FOCAD: variants seen among roughly 807,000 people sequenced by gnomAD.
FOCAD encodes focadhesin, also known as KIAA1797.
FOCAD carries 198 observed loss-of-function variants against 225.6 expected under a neutral mutation model. That is an observed-to-expected ratio of 0.88 (90% confidence interval 0.78 to 0.99). The LOEUF (loss-of-function observed/expected upper bound fraction) is 0.99. Among genes scored for constraint, FOCAD ranks in the 50% least tolerant of loss-of-function variants. The pLI is 0.00. For synonymous variants in FOCAD, 897 were observed against 755.0 expected (o/e 1.19, Z -3.08); for missense variants, 2,713 against 2,123.6 (o/e 1.28, Z -5.46).
chr9:20,680,676 CAT>C (rs1822374819), upstream of FOCAD, among the ~76,000 whole-genome samples: 1 of 152,014 alleles, frequency 6.6e-6, no homozygotes, highest in Non-Finnish European at 1.5e-5. Flanking sequence ...CCTTCTAAAA[CAT>C]ATTAGCAGCT....
At chr9:20,825,689 A>T (rs1051007400) in intron 15 of FOCAD, among the ~76,000 whole-genome samples, 1 of 152,070 alleles carries the variant, frequency 6.6e-6, no homozygotes, top group Non-Finnish European at 1.5e-5. Flanking sequence ...TTTCACCCTT[A>T]GGTTTGAAAA....
chr9:20,717,764 C>T (rs759704938), intron 2 of FOCAD, 30 bp from the exon 3 acceptor site: 2 of 1,540,400 alleles, frequency 1.3e-6, no homozygotes, highest in Non-Finnish European at 1.8e-6. Flanking sequence ...TTCTAAGGGA[C>T]TGTGTTCATT....
chr9:20,765,264 G>A (rs748151170), intron 7 of FOCAD, among the ~76,000 whole-genome samples, 191 bp downstream of exon 7: 2 of 152,072 alleles, frequency 1.3e-5, no homozygotes, highest in Admixed American at 6.6e-5. Context: ...TATTATATTC[G>A]ATATTAACTA....
rs762238259 is a variant in FOCAD at position 20,993,287 on chromosome 9, C to T, written c.5291C>T (p.Pro1764Leu). ...IDWLFSIMES[P>L]KEALSAQSRD... ...TGGCTATTCAGCATCATGGAAAGCC[C>T]TAAAGAAGCCCTCTCAGCACAGTCC... is the stretch of plus-strand genomic sequence containing the variant. The change falls in exon 43 of 44, where the codon CCT becomes CTT. Residue 1764 changes from proline to leucine, a missense_variant. Physicochemically the swap from Pro to Leu is moderately conservative, Grantham distance 98. Transcript: ENST00000338382. 3 of 1,614,008 alleles carry T rather than the reference C, an allele frequency of 1.9e-6. No homozygotes were observed. Among genetic ancestry groups the T allele is most frequent in the East Asian group, 2.2e-5 (1 of 44,838 alleles).
At chr9:20,883,998 G>A (rs1178803162) in intron 20 of FOCAD, among the ~76,000 whole-genome samples, 1 of 152,174 alleles carries the variant, frequency 6.6e-6, no homozygotes, top group African/African-American at 2.4e-5. Flanking sequence ...AGGGAGAAGA[G>A]GGAGAGTGAG....
At chr9:20,766,603 C>A (rs1414474290) in intron 7 of FOCAD, among the ~76,000 whole-genome samples, 1 of 152,058 alleles carries the variant, frequency 6.6e-6, no homozygotes, top group Non-Finnish European at 1.5e-5. Context: ...TGTATCCTAT[C>A]TTATTTTTCT....
At chr9:20,775,827 A>G (rs1432148485) in intron 8 of FOCAD, among the ~76,000 whole-genome samples, 2 of 152,170 alleles carry the variant, frequency 1.3e-5, no homozygotes, top group African/African-American at 4.8e-5. Context: ...GTGGCTGAGT[A>G]TAAAGGCATT....
In FOCAD at chr9:20,926,804, G is replaced by GA. The variant is rs932950638; in HGVS notation, c.3078+397dup. Among the ~76,000 whole-genome samples, 393 of 142,478 alleles carry GA rather than the reference G, an allele frequency of 2.8e-3. 3 individuals are homozygous for GA. Among genetic ancestry groups the GA allele is most frequent in the Middle Eastern group, 0.011 (3 of 284 alleles). The allele number at this position is 142,478 out of a possible 152,430, so 93.5% of individuals were successfully genotyped here. Reference sequence around the variant, plus strand: ...GTCTCAAAAAAAAAAAAAAGAAAAAGAAAAAAAAAAGAAATCCATTATATA... The same window carrying GA: ...GTCTCAAAAAAAAAAAAAAGAAAAAGAAAAAAAAAAAGAAATCCATTATATA... On this transcript the variant is annotated intron_variant, in intron 26 of 43. Coordinates refer to ENST00000338382, the MANE Select transcript of FOCAD (RefSeq NM_001375567.1).
At chr9:20,943,809 A>G (rs1344509863) in intron 28 of FOCAD, among the ~76,000 whole-genome samples, 1 of 152,244 alleles carries the variant, frequency 6.6e-6, no homozygotes, top group Non-Finnish European at 1.5e-5. Flanking sequence ...TTAAAAAACA[A>G]TGACAAAAGC....
At chr9:20,789,157 C>T (rs1298355041) in intron 10 of FOCAD, among the ~76,000 whole-genome samples, 194 bp from the exon 11 acceptor site, 1 of 152,132 alleles carries the variant, frequency 6.6e-6, no homozygotes, top group Non-Finnish European at 1.5e-5. Context: ...GGAGTTCCAT[C>T]TAACAACTCT....
Position 20,932,648 on chromosome 9 carries a change from G to A in FOCAD, c.3318-366G>A, listed in dbSNP as rs532399960. Among the ~76,000 whole-genome samples, 15 of 152,278 alleles carry A rather than the reference G, an allele frequency of 9.9e-5. 1 individual carries two copies. The highest frequency in any genetic ancestry group is 3.1e-4 in the African/African-American group (13 of 41,558). On this transcript the variant is annotated intron_variant, in intron 27 of 43. Coordinates refer to ENST00000338382, the MANE Select transcript of FOCAD (RefSeq NM_001375567.1). ...ATTATTGATAATGTCAGGTTAATAC[G>A]TTAAGTATTCTGAAGAAAATCACTT...
At chr9:20,921,708 A>G (rs978843769) in intron 24 of FOCAD, among the ~76,000 whole-genome samples, 1 of 152,218 alleles carries the variant, frequency 6.6e-6, no homozygotes, top group African/African-American at 2.4e-5. Flanking sequence ...TATTATTACC[A>G]GTGTTTTTAA....
intron 23 of FOCAD, among the ~76,000 whole-genome samples, chr9:20,916,565 C>A (rs1412833962): frequency 2.0e-5 from 3 of 152,200 alleles, no homozygotes; most frequent in African/African-American, 7.2e-5. Flanking sequence ...TGCAAACATT[C>A]AGTCCATTGA....
chr9:20,919,151 G>A (rs1047391859), intron 24 of FOCAD, among the ~76,000 whole-genome samples: 6 of 152,152 alleles, frequency 3.9e-5, no homozygotes, highest in African/African-American at 1.4e-4. Context: ...AAAATCGCAA[G>A]CATTCTTATA....
In FOCAD at chr9:20,952,986, T is replaced by A. The variant is rs764005873; in HGVS notation, c.4053T>A (p.Val1351=). The A allele has an allele frequency of 4.3e-6, 7 of 1,612,930 alleles. No homozygotes were observed. In the East Asian group the frequency reaches 1.6e-4, roughly 36 times the overall value. ...TLSSSQSRAS[V]PTDYSYLPES... The stretch of plus-strand genomic sequence containing the variant: ...TTTGATCATTTTCTGTCTCCACAGT[T>A]CCTACTGACTATAGCTACTTGCCTG... The change falls in exon 35 of 44, where the codon GTT becomes GTA. Residue 1351 remains valine (V), a splice_region_variant and synonymous_variant. Transcript: ENST00000338382.
At chr9:20,944,799 T>C (rs1382360498) in intron 29 of FOCAD, 25 bp downstream of exon 29, 2 of 1,596,970 alleles carry the variant, frequency 1.3e-6, no homozygotes, top group African/African-American at 1.3e-5. Context: ...CTACATTTTT[T>C]TCCCCTCTGC....
intron 1 of FOCAD, among the ~76,000 whole-genome samples, chr9:20,706,125 G>A (rs998867875): frequency 1.3e-4 from 19 of 151,642 alleles, no homozygotes; most frequent in African/African-American, 3.6e-4. Context: ...TGTAGAGATG[G>A]AGTCTCCTTA....
intron 32 of FOCAD, among the ~76,000 whole-genome samples, 198 bp from the exon 33 acceptor site, chr9:20,949,406 A>G (rs1289762246): frequency 6.6e-6 from 1 of 152,140 alleles, no homozygotes; most frequent in Non-Finnish European, 1.5e-5. Flanking sequence ...GCCACAGTGA[A>G]CAGGTACCAG....
intron 6 of FOCAD, among the ~76,000 whole-genome samples, chr9:20,759,729 T>G (rs1449036215): frequency 1.3e-5 from 2 of 152,174 alleles, no homozygotes; most frequent in Non-Finnish European, 2.9e-5. Flanking sequence ...GATTTATTGG[T>G]TGTTGAAATA....
Sources: gnomAD v4.1 joint callset for allele counts (sites outside exome capture counted in the v4.1 genomes callset) on GRCh38, gnomAD v4.1.1 for gene constraint, MANE v1.5 for transcripts, NCBI Gene and HGNC (gene_info 2026-07-23, HGNC 2026-07-21) for gene names.